The following CDH18 variants were observed in gnomAD, a reference collection of about 807,000 sequenced individuals.
The protein encoded by CDH18 is cadherin-18.
Under a neutral mutation model 67.9 loss-of-function variants are expected in CDH18, and 31 were observed. The ratio of observed to expected loss-of-function variants is 0.46; its 90% CI spans 0.34 to 0.62. CDH18 has a LOEUF of 0.62. Ranked by LOEUF, CDH18 falls within the 20% of genes least tolerant of loss-of-function variation. The probability of loss-of-function intolerance (pLI) is 0.01; values close to 1 mark genes in which losing one functional copy is unlikely to be tolerated. For missense variants in CDH18, 890 were observed against 975.5 expected, an observed-to-expected ratio of 0.91 and a Z score of 1.17; for synonymous variants, 362 against 347.2, an observed-to-expected ratio of 1.04 and a Z score of -0.48.
intron 1 of CDH18, among the ~76,000 whole-genome samples, chr5:19,981,406 A>C (rs1302972082): frequency 8.4e-6 from 1 of 118,850 alleles, no homozygotes; most frequent in East Asian, 2.6e-4. Context: ...CACCACAGAA[A>C]GAATAATTTA....
At chr5:20,347,226 C>G (rs1222589924) in intron 1 of CDH18, among the ~76,000 whole-genome samples, 2 of 152,256 alleles carry the variant, frequency 1.3e-5, no homozygotes, top group East Asian at 3.9e-4. Context: ...TTTGTTTCTT[C>G]TCACCTAGAG....
chr5:19,858,178 G>A (rs6870826), intron 2 of CDH18, among the ~76,000 whole-genome samples: 43,459 of 151,884 alleles, frequency 0.29, 7,649 homozygotes, highest in South Asian at 0.39. Flanking sequence ...CAGGACAACT[G>A]GAAATGGGGG....
chr5:19,763,320 G>T (rs772562979), intron 3 of CDH18, among the ~76,000 whole-genome samples: 1 of 152,172 alleles, frequency 6.6e-6, no homozygotes, highest in East Asian at 1.9e-4. Flanking sequence ...ATTTGTGAAA[G>T]AAATAAGAAA....
At chr5:19,903,541 GTATATATATA>G (rs112818883) in intron 2 of CDH18, among the ~76,000 whole-genome samples, 2,594 of 124,734 alleles carry the variant, frequency 0.021, 92 homozygotes, top group African/African-American at 0.07. Flanking sequence ...GTGTGTGTGT[GTATATATATA>G]TATATATATA....
At chr5:20,249,630 A>G (rs1048717464) in intron 2 of CDH18, among the ~76,000 whole-genome samples, 3 of 152,068 alleles carry the variant, frequency 2.0e-5, no homozygotes, top group Admixed American at 2.0e-4. Context: ...TCGGCCTCCC[A>G]AAGTGCTGAG....
intron 2 of CDH18, among the ~76,000 whole-genome samples, chr5:20,092,026 C>T (rs1299189089): frequency 6.6e-6 from 1 of 152,112 alleles, no homozygotes; most frequent in Non-Finnish European, 1.5e-5. Flanking sequence ...TTGACTCTTC[C>T]TGTTTTCTTA....
chr5:20,313,861 C>T (rs1443025988), intron 1 of CDH18, among the ~76,000 whole-genome samples: 2 of 152,000 alleles, frequency 1.3e-5, no homozygotes, highest in Admixed American at 1.3e-4. Flanking sequence ...ATGTAATTAT[C>T]TTTCAAATTT....
chr5:19,524,808 C>T (rs954365255), intron 9 of CDH18, among the ~76,000 whole-genome samples: 4 of 152,014 alleles, frequency 2.6e-5, no homozygotes, highest in Admixed American at 6.6e-5. Flanking sequence ...TGCAGTGGCG[C>T]GATCTCCGCT....
At chr5:20,137,610 C>A (rs192394179) in intron 2 of CDH18, among the ~76,000 whole-genome samples, 1 of 152,200 alleles carries the variant, frequency 6.6e-6, no homozygotes, top group East Asian at 1.9e-4. Context: ...CATTCTCCGT[C>A]CACCTTTGTT....
At chr5:20,002,583 T>G (rs1452874668) in intron 2 of CDH18, among the ~76,000 whole-genome samples, 2 of 152,328 alleles carry the variant, frequency 1.3e-5, no homozygotes, top group African/African-American at 2.4e-5. Flanking sequence ...CAGTTACCAC[T>G]ATGATTTTAC....
intron 2 of CDH18, among the ~76,000 whole-genome samples, chr5:20,189,673 G>A (rs1204216686): frequency 1.3e-5 from 2 of 152,076 alleles, no homozygotes; most frequent in Admixed American, 6.6e-5. Context: ...GGAAGATTAC[G>A]CACACGACAA....
At chr5:20,067,531 C>T (rs1743085147) in intron 2 of CDH18, among the ~76,000 whole-genome samples, 2 of 151,946 alleles carry the variant, frequency 1.3e-5, no homozygotes, top group African/African-American at 2.4e-5. Context: ...TATTGTATGA[C>T]TCACATAATC....
At chr5:19,844,266 C>T (rs1253063421) in intron 2 of CDH18, among the ~76,000 whole-genome samples, 1 of 152,120 alleles carries the variant, frequency 6.6e-6, no homozygotes, top group African/African-American at 2.4e-5. Context: ...ATCCGAATTG[C>T]TATCCCCATT....
At chr5:20,308,314 G>A in intron 1 of CDH18, among the ~76,000 whole-genome samples, 1 of 151,910 alleles carries the variant, frequency 6.6e-6, no homozygotes, top group Non-Finnish European at 1.5e-5. Context: ...AGGCCGAGGT[G>A]GGTAGATTGC....
intron 5 of CDH18, among the ~76,000 whole-genome samples, chr5:19,643,417 A>T (rs1355340369): frequency 6.6e-6 from 1 of 152,172 alleles, no homozygotes; most frequent in African/African-American, 2.4e-5. Context: ...AATCGCTAAG[A>T]TAAAGAAACC....
intron 1 of CDH18, among the ~76,000 whole-genome samples, chr5:20,281,688 C>A (rs926446649): frequency 6.6e-6 from 1 of 152,048 alleles, no homozygotes; most frequent in East Asian, 1.9e-4. Flanking sequence ...CTTGGCGATG[C>A]GGGCTCTCTT....
chr5:20,039,573 C>T (rs1349740280), intron 2 of CDH18, among the ~76,000 whole-genome samples: 2 of 152,146 alleles, frequency 1.3e-5, no homozygotes, highest in African/African-American at 4.8e-5. Flanking sequence ...CTTTGACAAA[C>T]CTGACAAAAA....
intron 1 of CDH18, among the ~76,000 whole-genome samples, chr5:20,468,642 T>A (rs557045475): frequency 6.6e-6 from 1 of 152,338 alleles, no homozygotes; most frequent in South Asian, 2.1e-4. Flanking sequence ...GCAACCTTCA[T>A]GAACATAATT....
intron 2 of CDH18, among the ~76,000 whole-genome samples, chr5:20,015,232 CATAGG>C (rs1399198510): frequency 6.6e-6 from 1 of 152,066 alleles, no homozygotes. Context: ...TCAAGTTTCC[CATAGG>C]TCCCACGTTT....
Sources: allele counts gnomAD v4.1 joint callset (sites outside exome capture counted in the v4.1 genomes callset), GRCh38; gene constraint gnomAD v4.1.1; transcripts MANE v1.5; gene names NCBI Gene and HGNC (gene_info 2026-07-23, HGNC 2026-07-21).